NUP205: variants seen among roughly 807,000 people sequenced by gnomAD.
The protein encoded by NUP205 is nuclear pore complex protein Nup205.
NUP205 carries 76 observed loss-of-function variants against 253.8 expected under a neutral mutation model. The ratio of observed to expected loss-of-function variants is 0.30; its 90% CI spans 0.25 to 0.36. NUP205 has a LOEUF of 0.36. NUP205 is among the 10% of genes least tolerant of loss of function. The probability of loss-of-function intolerance (pLI) is 1.00; values close to 1 mark genes in which losing one functional copy is unlikely to be tolerated. For synonymous variants in NUP205, 832 were observed against 850.1 expected (o/e 0.98, Z 0.37); for missense variants, 2,162 against 2,425.5 (o/e 0.89, Z 2.28).
intron 4 of NUP205, 141 bp from the exon 5 acceptor site, chr7:135,576,828 G>A (rs1453614008): frequency 4.0e-5 from 29 of 723,294 alleles, no homozygotes; most frequent in Non-Finnish European, 5.9e-5. Context: ...GCTGCAGTGA[G>A]CCATGATCAC....
At chr7:135,580,351 G>A (rs1019152930) in intron 7 of NUP205, among the ~76,000 whole-genome samples, 8 of 152,046 alleles carry the variant, frequency 5.3e-5, no homozygotes, top group African/African-American at 1.7e-4. Context: ...TTACATTCCC[G>A]TACAAATTCT....
At chr7:135,596,924 T>G (rs544143966) in intron 13 of NUP205, among the ~76,000 whole-genome samples, 76 of 142,978 alleles carry the variant, frequency 5.3e-4, no homozygotes, top group African/African-American at 1.8e-3. Flanking sequence ...GCCACTGTAC[T>G]CCAGCTTGGC....
rs530847935 is a variant in NUP205 at position 135,638,634 on chromosome 7, C to T, written c.5343C>T (p.Leu1781=). 3.1e-6 allele frequency: 5 copies of T among 1,614,030 alleles called. No homozygotes were observed. Among genetic ancestry groups the T allele is most frequent in the African/African-American group, 1.3e-5 (1 of 74,990 alleles). The change falls in exon 38 of 43, where the codon CTC becomes CTT. Residue 1781 remains leucine, a synonymous_variant. Transcript: ENST00000285968. ...CTACCTTCCAGCATGCTGTGTGTCT[C>T]TTCACTCCTAGCCTTTCAGAAACAG... The part of the protein sequence containing the change: ...SSPTFQHAVC[L]FTPSLSETVN...
chr7:135,638,413 TGA>T, intron 37 of NUP205, 142 bp from the exon 38 acceptor site: 3 of 572,700 alleles, frequency 5.2e-6, no homozygotes, highest in Non-Finnish European at 2.8e-6. Context: ...AGACTCCATC[TGA>T]AAAAAAAAAA....
chr7:135,579,670 C>CT (rs1275882762), intron 7 of NUP205, among the ~76,000 whole-genome samples: 1 of 151,320 alleles, frequency 6.6e-6, no homozygotes, highest in Non-Finnish European at 1.5e-5. Context: ...GGAATCCCGA[C>CT]TTTTCTTTTT....
At chr7:135,562,696 C>T (rs563018574) in intron 1 of NUP205, among the ~76,000 whole-genome samples, 44 of 151,784 alleles carry the variant, frequency 2.9e-4, no homozygotes, top group East Asian at 1.8e-3. Context: ...TACAGGCGTG[C>T]GCCACCACAC....
At chr7:135,570,567 T>C (rs1161722917) in intron 1 of NUP205, among the ~76,000 whole-genome samples, 1 of 149,182 alleles carries the variant, frequency 6.7e-6, no homozygotes, top group East Asian at 1.9e-4. Flanking sequence ...GTTTATATCA[T>C]TGCTTGAGAA....
At chr7:135,563,443 C>T (rs1185541043) in intron 1 of NUP205, among the ~76,000 whole-genome samples, 1 of 152,028 alleles carries the variant, frequency 6.6e-6, no homozygotes, top group Non-Finnish European at 1.5e-5. Flanking sequence ...CCGCCTTGGC[C>T]TCTCAAAGTG....
intron 15 of NUP205, among the ~76,000 whole-genome samples, chr7:135,599,597 T>TATTTAA (rs575870671): frequency 0.01 from 1,594 of 152,342 alleles, 31 homozygotes; most frequent in African/African-American, 0.036. Context: ...AAATGTCTTA[T>TATTTAA]ATGCTTTTTC....
chr7:135,569,284 G>T (rs1350213849), intron 1 of NUP205, among the ~76,000 whole-genome samples: 1 of 152,106 alleles, frequency 6.6e-6, no homozygotes, highest in African/African-American at 2.4e-5. Context: ...TGTAGGCCAG[G>T]CTGGTCTCAA....
chr7:135,624,657 G>T (rs796503413), intron 31 of NUP205, among the ~76,000 whole-genome samples: 1 of 152,036 alleles, frequency 6.6e-6, no homozygotes, highest in Non-Finnish European at 1.5e-5. Flanking sequence ...GATTACAGGC[G>T]TGAGCCACCG....
chr7:135,621,366 T>TC (rs1429722720), intron 30 of NUP205, among the ~76,000 whole-genome samples: 1 of 152,188 alleles, frequency 6.6e-6, no homozygotes, highest in Admixed American at 6.5e-5. Flanking sequence ...ACTCAGCACC[T>TC]CCCACATTTT....
At chr7:135,623,890 C>T (rs986387505) in intron 31 of NUP205, among the ~76,000 whole-genome samples, 7 of 152,108 alleles carry the variant, frequency 4.6e-5, no homozygotes, top group Non-Finnish European at 7.4e-5. Context: ...TCACGCCATT[C>T]TCCTGCCTCA....
At position 135,625,233 on chromosome 7, in the gene NUP205, T is replaced by G; in HGVS notation, c.4549T>G (p.Ser1517Ala). The G allele has an allele frequency of 1.9e-6, 3 of 1,614,174 alleles. No homozygotes were observed. Among genetic ancestry groups the G allele is most frequent in the Non-Finnish European group, 2.5e-6 (3 of 1,180,004 alleles). Residue 1517 changes from serine to alanine, a missense_variant, in exon 32 of 43, where the codon TCT (serine) becomes GCT (alanine). This residue lies in a region of NUP205 where 1,144 missense variants were observed against 1,280.9 expected (regional missense o/e 0.89). Transcript: ENST00000285968. ...DKQQQWLLYL[S>A]NSGYLKVLVD... The stretch of plus-strand genomic sequence containing the variant: ...ACAGCAGCAGTGGCTTTTGTATCTT[T>G]CTAACAGTGGCTACTTGAAGGTCCT...
At chr7:135,571,558 CTT>C in intron 2 of NUP205, among the ~76,000 whole-genome samples, 1 of 151,796 alleles carries the variant, frequency 6.6e-6, no homozygotes, top group Non-Finnish European at 1.5e-5. Context: ...ATCTTAAAAA[CTT>C]TTTTTAATTT....
At chr7:135,579,490 C>T (rs191558144) in intron 7 of NUP205, among the ~76,000 whole-genome samples, 74 of 152,050 alleles carry the variant, frequency 4.9e-4, no homozygotes, top group Non-Finnish European at 8.1e-4. Context: ...CCACCCCGTC[C>T]GGCCTTAAAT....
At chr7:135,639,426 A>T (rs147435156) in intron 38 of NUP205, among the ~76,000 whole-genome samples, 2 of 152,322 alleles carry the variant, frequency 1.3e-5, no homozygotes, top group African/African-American at 4.8e-5. Flanking sequence ...GTGGTTGCTT[A>T]CGCCTGTAAT....
intron 1 of NUP205, among the ~76,000 whole-genome samples, chr7:135,568,186 G>A (rs946454192): frequency 6.6e-6 from 1 of 152,068 alleles, no homozygotes; most frequent in South Asian, 2.1e-4. Context: ...TTGTGCCACT[G>A]CACTCCAGCC....
At position 135,576,254 on chromosome 7, in the gene NUP205, C is replaced by T; in HGVS notation, c.344-16C>T. The T allele has an allele frequency of 6.2e-7, 1 of 1,608,452 alleles. No individual in the cohort carries two copies. The highest frequency in any genetic ancestry group is 1.1e-5 in the South Asian group (1 of 90,522). On this transcript the variant is annotated splice_polypyrimidine_tract_variant and intron_variant, in intron 3 of 42. Transcript: ENST00000285968. The stretch of plus-strand genomic sequence containing the variant: ...CGTGTTTATTAACAATATTATTTCT[C>T]AACTTCCTTTTTTAGGAGAGCATCA...
Sources: gnomAD v4.1 joint callset for allele counts (sites outside exome capture counted in the v4.1 genomes callset) on GRCh38, gnomAD v4.1.1 for gene constraint, gnomAD v4.1.1 regional missense constraint, MANE v1.5 for transcripts, NCBI Gene and HGNC (gene_info 2026-07-23, HGNC 2026-07-21) for gene names.